The following SCAF4 variants were observed in gnomAD, a reference collection of about 807,000 sequenced individuals.
SCAF4 encodes SR-related CTD associated factor 4, also known as SR-related and CTD-associated factor 4.
SCAF4 carries 25 observed loss-of-function variants against 129.8 expected under a neutral mutation model. The ratio of observed to expected loss-of-function variants is 0.19; its 90% CI spans 0.14 to 0.27. SCAF4 has a LOEUF of 0.27. Among genes scored for constraint, SCAF4 ranks in the 10% least tolerant of loss-of-function variants. The pLI, the probability that SCAF4 is intolerant of heterozygous loss-of-function variation, is 1.00. For missense variants in SCAF4, 1,246 were observed against 1,457.1 expected (o/e 0.86, Z 2.36); for synonymous variants, 551 against 497.7 (o/e 1.11, Z -1.43).
intron 19 of SCAF4, among the ~76,000 whole-genome samples, chr21:31,680,572 C>T (rs1019981526): frequency 6.6e-6 from 1 of 152,154 alleles, no homozygotes; most frequent in African/African-American, 2.4e-5. Context: ...ATATATCACT[C>T]TAGCTTATAA....
chr21:31,685,365 G>T (rs1436868098), intron 18 of SCAF4, 33 bp downstream of exon 18: 1 of 1,576,758 alleles, frequency 6.3e-7, no homozygotes, highest in Admixed American at 1.7e-5. Context: ...GCTCCAAGAG[G>T]ATAAGCAAAC....
In SCAF4 at chr21:31,693,398, C is replaced by T. The variant is rs756169669; in HGVS notation, c.1409G>A (p.Arg470His). The T allele has an allele frequency of 1.9e-6, 3 of 1,583,016 alleles. No individual in the cohort carries two copies. The highest frequency in any genetic ancestry group is 2.3e-5 in the East Asian group (1 of 44,154). Reference sequence around the variant, plus strand: ...AGATCGAGATCGGGGAGAATGTCGGCGTCTATCCCTGGACCGAGATCGAGA... The same window carrying T: ...AGATCGAGATCGGGGAGAATGTCGGTGTCTATCCCTGGACCGAGATCGAGA... ...RRSRSRSRDR[R>H]RHSPRSRSQE... Residue 470 changes from arginine to histidine, a missense_variant, in exon 12 of 20, where the codon CGC becomes CAC. By Grantham distance (29) the Arg-to-His change is conservative (BLOSUM62 0). Around this residue, in one of 6 missense-constraint regions of SCAF4, gnomAD observed 468 missense variants for 605.5 expected, o/e 0.77. Transcript: ENST00000286835.
At position 31,721,725 on chromosome 21, in the gene SCAF4, C is replaced by CTTTTT. The variant is rs1030749806; in HGVS notation, c.30+9933_30+9937dup. ...TTATTAACATCAAGCAAGAGCAATTCTTTTTTTTTTTTTTTTTTTGAGATG... is the reference window on the plus strand; with the variant it reads ...TTATTAACATCAAGCAAGAGCAATTCTTTTTTTTTTTTTTTTTTTTTTTTGAGATG... On this transcript the variant is annotated intron_variant, in intron 1 of 19. Coordinates refer to ENST00000286835, the MANE Select transcript of SCAF4 (RefSeq NM_020706.2). Among the ~76,000 whole-genome samples the CTTTTT allele has an allele frequency of 1.4e-4, 17 of 125,450 alleles. 1 individual carries two copies. Among genetic ancestry groups the CTTTTT allele is most frequent in the Non-Finnish European group, 1.7e-4 (10 of 59,682 alleles). 82.3% of individuals were successfully genotyped at this position (125,450 alleles called of 152,430 possible).
At chr21:31,713,172 T>G (rs1261194879) in intron 1 of SCAF4, among the ~76,000 whole-genome samples, 1 of 152,246 alleles carries the variant, frequency 6.6e-6, no homozygotes, top group African/African-American at 2.4e-5. Context: ...TTAATTGTCA[T>G]GGTCACCAAT....
At chr21:31,684,267 G>T (rs1449661670) in intron 19 of SCAF4, 1 of 153,218 alleles carries the variant, frequency 6.5e-6, no homozygotes, top group Non-Finnish European at 1.5e-5. Context: ...CCAGTTAGGG[G>T]ATTCAAGTGT....
rs1439588786 is a variant in SCAF4 at position 31,685,747 on chromosome 21, T to TA, written c.2044-15dup. On this transcript the variant is annotated splice_polypyrimidine_tract_variant and intron_variant, in intron 16 of 19. Coordinates refer to ENST00000286835, the MANE Select transcript of SCAF4 (RefSeq NM_020706.2). ...ATGTGGTGGGACCTAGAAAGAAAGATAAAAGAATAAACCACCTATCTAGAC... is the reference window on the plus strand; with the variant it reads ...ATGTGGTGGGACCTAGAAAGAAAGATAAAAAGAATAAACCACCTATCTAGAC... 2.6e-6 allele frequency: 4 copies of TA among 1,556,976 alleles called. No homozygotes were observed. Among genetic ancestry groups the TA allele is most frequent in the Non-Finnish European group, 3.5e-6 (4 of 1,157,042 alleles).
intron 1 of SCAF4, among the ~76,000 whole-genome samples, chr21:31,715,519 T>G (rs765964560): frequency 1.3e-5 from 2 of 152,228 alleles, no homozygotes; most frequent in South Asian, 4.1e-4. Flanking sequence ...CAATTTGTAA[T>G]CATCTGAAAT....
chr21:31,694,267 C>T lies in SCAF4; in HGVS notation c.1259G>A (p.Cys420Tyr), dbSNP rs772888194. ...HQQEMEVEQP[C>Y]IQEVKRHMSD... ...CATATGTCGCTTAACCTCTTGAATA[C>T]AAGGTTGTTCTACTTCCATTTCCTT... The change falls in exon 11 of 20, where the codon TGT becomes TAT. Residue 420 changes from cysteine (C) to tyrosine (Y), a missense_variant. Physicochemically the swap from Cys to Tyr is radical, Grantham distance 194. Transcript: ENST00000286835. The T allele has an allele frequency of 4.4e-6, 7 of 1,604,876 alleles. No individual in the cohort carries two copies. Among genetic ancestry groups the T allele is most frequent in the Non-Finnish European group, 6.0e-6 (7 of 1,173,594 alleles).
At chr21:31,672,464 A>G (rs1601167623) in intron 19 of SCAF4, 110 bp from the exon 20 acceptor site, 1 of 899,748 alleles carries the variant, frequency 1.1e-6, no homozygotes, top group Non-Finnish European at 1.7e-6. Context: ...CAATCTTCAA[A>G]TTTCATAGTT....
intron 19 of SCAF4, among the ~76,000 whole-genome samples, chr21:31,682,582 T>C (rs894663853): frequency 6.6e-6 from 1 of 152,206 alleles, no homozygotes. Context: ...AAGTGTTTTA[T>C]AGATGTTAGC....
intron 1 of SCAF4, among the ~76,000 whole-genome samples, chr21:31,723,183 C>T (rs759909438): frequency 6.6e-6 from 1 of 152,080 alleles, no homozygotes; most frequent in African/African-American, 2.4e-5. Context: ...AACTGTCTAC[C>T]GAACACAAAT....
chr21:31,705,666 C>T (rs989273395), intron 2 of SCAF4, among the ~76,000 whole-genome samples, 199 bp from the exon 3 acceptor site: 1 of 151,828 alleles, frequency 6.6e-6, no homozygotes. Context: ...TACAAAAATT[C>T]CCCAAACAGA....
chr21:31,721,899 T>C (rs1358329437), intron 1 of SCAF4, among the ~76,000 whole-genome samples: 1 of 152,034 alleles, frequency 6.6e-6, no homozygotes, highest in Non-Finnish European at 1.5e-5. Context: ...TTTGTCTTTT[T>C]AGTACAGACA....
At position 31,671,513 on chromosome 21, in the gene SCAF4, C is replaced by G; in HGVS notation, c.3330G>C (p.Glu1110Asp). The G allele has an allele frequency of 6.2e-7, 1 of 1,614,214 alleles. No homozygotes were observed. Among genetic ancestry groups the G allele is most frequent in the Non-Finnish European group, 8.5e-7 (1 of 1,180,026 alleles). Residue 1110 changes from glutamate (E) to aspartate (D), a missense_variant, in exon 20 of 20, where the codon GAG (glutamate) becomes GAC (aspartate). Physicochemically the swap from Glu to Asp is conservative, Grantham distance 45. Around this residue, in one of 6 missense-constraint regions of SCAF4, gnomAD observed 339 missense variants for 325.0 expected, o/e 1.04. Transcript: ENST00000286835. ...GGACTGCAGCCTCAGACACCCCCTT[C>G]TCAAGTTCTGAAGCAGTGTCTACAT... ...VGNVDTASEL[E>D]KGVSEAAVLK...
intron 14 of SCAF4, 43 bp from the exon 15 acceptor site, chr21:31,690,996 G>C: frequency 6.5e-7 from 1 of 1,544,620 alleles, no homozygotes; most frequent in East Asian, 2.3e-5. Flanking sequence ...AACAAAGCAA[G>C]GTCGTAAGTC....
chr21:31,702,235 T>C lies in SCAF4; in HGVS notation c.457+9A>G, dbSNP rs757841569. 1 of 1,614,076 alleles carries C rather than the reference T, an allele frequency of 6.2e-7. No individual in the cohort carries two copies. On this transcript the variant is annotated intron_variant, in intron 5 of 19. Coordinates refer to ENST00000286835, the MANE Select transcript of SCAF4 (RefSeq NM_020706.2). ...CATTGTGTGAGCTCACAGATACATC[T>C]GACCATACCTTCATTATTGGTAACA... is the stretch of plus-strand genomic sequence containing the variant.
intron 1 of SCAF4, among the ~76,000 whole-genome samples, chr21:31,717,530 G>A (rs568334423): frequency 6.6e-6 from 1 of 152,026 alleles, no homozygotes; most frequent in South Asian, 2.1e-4. Flanking sequence ...ATACATCTTT[G>A]TTCAACTTTT....
chr21:31,726,800 A>G (rs2123696987), intron 1 of SCAF4, among the ~76,000 whole-genome samples: 1 of 152,380 alleles, frequency 6.6e-6, no homozygotes, highest in East Asian at 1.9e-4. Flanking sequence ...TAATCTTAAT[A>G]GACAGTATTA....
At chr21:31,729,289 T>C (rs1350682485) in intron 1 of SCAF4, among the ~76,000 whole-genome samples, 1 of 152,196 alleles carries the variant, frequency 6.6e-6, no homozygotes, top group Admixed American at 6.5e-5. Context: ...GATCACTGCT[T>C]CCTACATCTT....
Sources: allele counts gnomAD v4.1 joint callset (sites outside exome capture counted in the v4.1 genomes callset), GRCh38; gene constraint gnomAD v4.1.1; regional missense constraint gnomAD v4.1.1; transcripts MANE v1.5; gene names NCBI Gene and HGNC (gene_info 2026-07-23, HGNC 2026-07-21).